NAV3: variants seen among roughly 807,000 people sequenced by gnomAD.
NAV3 encodes pore membrane and/or filament interacting like protein 1.
Under a neutral mutation model 244.7 loss-of-function variants are expected in NAV3, and 87 were observed. The ratio of observed to expected loss-of-function variants is 0.36; its 90% CI spans 0.30 to 0.42. The LOEUF (loss-of-function observed/expected upper bound fraction) is 0.42, where lower values mean the gene tolerates loss of function less well. NAV3 is among the 20% of genes least tolerant of loss of function. The probability of loss-of-function intolerance (pLI) is 1.00; values close to 1 mark genes in which losing one functional copy is unlikely to be tolerated. For missense variants in NAV3, 2,663 were observed against 2,893.3 expected, an observed-to-expected ratio of 0.92 and a Z score of 1.83; for synonymous variants, 1,126 against 1,042.2, an observed-to-expected ratio of 1.08 and a Z score of -1.55.
At chr12:77,900,821 G>C (rs145812307) in intron 1 of NAV3, among the ~76,000 whole-genome samples, 11 of 152,212 alleles carry the variant, frequency 7.2e-5, no homozygotes, top group Admixed American at 7.2e-4. Flanking sequence ...CACCCACCAA[G>C]AGTGTATAAG....
intron 12 of NAV3, among the ~76,000 whole-genome samples, chr12:78,061,735 A>T (rs528208625): frequency 1.1e-4 from 17 of 152,124 alleles, no homozygotes; most frequent in Admixed American, 2.0e-4. Context: ...TGTTTCAAAA[A>T]TTTTTCTAAA....
chr12:77,741,437 T>A (rs891724048), intron 2 of NAV3, among the ~76,000 whole-genome samples: 4 of 152,076 alleles, frequency 2.6e-5, no homozygotes, highest in African/African-American at 9.7e-5. Flanking sequence ...TTCATTTTTG[T>A]GTTTGTGTGT....
At chr12:77,718,370 GA>G (rs761306557) in intron 2 of NAV3, among the ~76,000 whole-genome samples, 1 of 152,040 alleles carries the variant, frequency 6.6e-6, no homozygotes, top group Non-Finnish European at 1.5e-5. Flanking sequence ...CCTTGTCAAA[GA>G]TCATTTGACC....
chr12:78,141,285 C>G (rs1956601289), intron 20 of NAV3, among the ~76,000 whole-genome samples: 1 of 152,054 alleles, frequency 6.6e-6, no homozygotes, highest in Admixed American at 6.6e-5. Context: ...GAGAGTTTTT[C>G]TGTTTGGTAA....
intron 2 of NAV3, among the ~76,000 whole-genome samples, chr12:77,789,816 GAA>G (rs57070028): frequency 1.9e-3 from 141 of 75,666 alleles, no homozygotes; most frequent in South Asian, 3.5e-3. Context: ...GTCTCGAAAA[GAA>G]AAAAAAAAAA....
intron 12 of NAV3, among the ~76,000 whole-genome samples, chr12:78,073,399 A>G (rs1268140837): frequency 2.0e-5 from 3 of 151,192 alleles, no homozygotes; most frequent in African/African-American, 7.3e-5. Context: ...AGCAACAGAC[A>G]AACAGAGAGC....
chr12:77,898,867 C>A (rs1592937017), intron 1 of NAV3, among the ~76,000 whole-genome samples: 1 of 152,196 alleles, frequency 6.6e-6, no homozygotes, highest in East Asian at 1.9e-4. Flanking sequence ...TTATAGATGT[C>A]AAAGGGCATT....
At chr12:78,027,716 A>T (rs1878307969) in intron 9 of NAV3, among the ~76,000 whole-genome samples, 4 of 152,290 alleles carry the variant, frequency 2.6e-5, no homozygotes, top group Middle Eastern at 6.8e-3. Context: ...GCACACCCAC[A>T]AAGGGTAATA....
chr12:77,612,597 C>T (rs1189753825), intron 2 of NAV3, among the ~76,000 whole-genome samples: 1 of 152,104 alleles, frequency 6.6e-6, no homozygotes, highest in Non-Finnish European at 1.5e-5. Context: ...CTGAACACTA[C>T]ACCTTGTAGA....
intron 2 of NAV3, among the ~76,000 whole-genome samples, chr12:77,773,687 CA>C (rs1870212311): frequency 6.6e-6 from 1 of 152,116 alleles, no homozygotes; most frequent in Non-Finnish European, 1.5e-5. Context: ...ATGGGGATTA[CA>C]ATTTTAATAA....
intron 2 of NAV3, among the ~76,000 whole-genome samples, chr12:77,824,241 ATTTT>A (rs61710960): frequency 1.1e-4 from 12 of 104,902 alleles, no homozygotes; most frequent in African/African-American, 4.6e-4. Context: ...GCCCAACTAA[ATTTT>A]TTTTTTTTTT....
intron 12 of NAV3, among the ~76,000 whole-genome samples, chr12:78,101,138 A>G (rs1273955152): frequency 6.6e-6 from 1 of 152,190 alleles, no homozygotes; most frequent in Non-Finnish European, 1.5e-5. Flanking sequence ...TTATTGATTT[A>G]TTCCACAAAC....
At chr12:78,182,990 A>G (rs965801828) in intron 30 of NAV3, among the ~76,000 whole-genome samples, 7 of 151,988 alleles carry the variant, frequency 4.6e-5, no homozygotes, top group African/African-American at 9.7e-5. Context: ...ATTGGCAAAT[A>G]TCTAGTTCCT....
intron 12 of NAV3, among the ~76,000 whole-genome samples, chr12:78,092,491 C>CTTTTTTTTTT (rs71088358): frequency 2.0e-4 from 13 of 64,028 alleles, no homozygotes; most frequent in South Asian, 6.1e-4. Flanking sequence ...TAGTTATTTT[C>CTTTTTTTTTT]TTTTTTTTTT....
At chr12:78,194,533 T>C (rs2139945982) in intron 34 of NAV3, among the ~76,000 whole-genome samples, 1 of 152,220 alleles carries the variant, frequency 6.6e-6, no homozygotes, top group Middle Eastern at 3.4e-3. Context: ...TTAGTATCTC[T>C]AGGCTTCAAT....
chr12:77,579,775 A>G (rs73133963), intron 2 of NAV3, among the ~76,000 whole-genome samples: 6,771 of 152,272 alleles, frequency 0.044, 278 homozygotes, highest in African/African-American at 0.098. Context: ...GGGAAGATCC[A>G]GTAAAACATA....
At chr12:77,605,334 T>A (rs990476973) in intron 2 of NAV3, among the ~76,000 whole-genome samples, 1 of 152,124 alleles carries the variant, frequency 6.6e-6, no homozygotes, top group African/African-American at 2.4e-5. Flanking sequence ...TCTCCTCTAA[T>A]TACCTATAAA....
chr12:77,748,905 A>G (rs1392196570), intron 2 of NAV3, among the ~76,000 whole-genome samples: 9 of 152,244 alleles, frequency 5.9e-5, no homozygotes, highest in Admixed American at 5.9e-4. Context: ...AAAATTGACA[A>G]CTAGGTGAGG....
At chr12:77,892,544 T>A (rs960935932) in intron 1 of NAV3, among the ~76,000 whole-genome samples, 1 of 151,958 alleles carries the variant, frequency 6.6e-6, no homozygotes, top group African/African-American at 2.4e-5. Context: ...GCCTCCTGAG[T>A]AGCTGGGACT....
Sources: allele counts gnomAD v4.1 joint callset (sites outside exome capture counted in the v4.1 genomes callset), GRCh38; gene constraint gnomAD v4.1.1; transcripts MANE v1.5; gene names NCBI Gene and HGNC (gene_info 2026-07-23, HGNC 2026-07-21).